The following MED16 variants were observed in gnomAD, a reference collection of about 807,000 sequenced individuals.
MED16 encodes the protein mediator complex subunit 16, also known as mediator of RNA polymerase II transcription subunit 16.
A neutral mutation model predicts 84.4 loss-of-function variants in MED16; 81 were observed. The observed-to-expected ratio is 0.96, with a 90% confidence interval of 0.80 to 1.15. The LOEUF is 1.15. MED16 is among the 50% of genes most tolerant of loss of function. MED16 has a pLI of 0.00. For synonymous variants in MED16, 897 were observed against 552.2 expected (o/e 1.62, Z -8.76); for missense variants, 1,585 against 1,245.9 (o/e 1.27, Z -4.10).
chr19:885,100 C>G, intron 5 of MED16, 92 bp from the exon 6 acceptor site: 1 of 945,694 alleles, frequency 1.1e-6, no homozygotes, highest in Non-Finnish European at 1.6e-6. Context: ...TGGGGCCACG[C>G]ACTGCTGGGC....
chr19:882,335 C>T (rs2036437540), intron 6 of MED16, among the ~76,000 whole-genome samples: 1 of 152,090 alleles, frequency 6.6e-6, no homozygotes, highest in South Asian at 2.1e-4. Context: ...CAGCAAGACC[C>T]CATTCTCTAC....
At chr19:893,022 C>T (rs1362608095) in intron 1 of MED16, 64 bp downstream of exon 1, 1 of 152,780 alleles carries the variant, frequency 6.5e-6, no homozygotes, top group Non-Finnish European at 1.5e-5. Flanking sequence ...CGCGTTCCCT[C>T]GGGTCCGTGG....
At chr19:882,776 C>A (rs2036446658) in intron 6 of MED16, among the ~76,000 whole-genome samples, 1 of 152,252 alleles carries the variant, frequency 6.6e-6, no homozygotes, top group Non-Finnish European at 1.5e-5. Flanking sequence ...TGTTACTCGG[C>A]TGAAGCTGAC....
At chr19:872,866 G>T in intron 11 of MED16, 3 of 756,882 alleles carry the variant, frequency 4.0e-6, no homozygotes, top group Non-Finnish European at 4.9e-6. Flanking sequence ...GGGAGGCGGG[G>T]CTTTGAGAAT....
Position 890,261 on chromosome 19 carries a change from T to A in MED16, c.170-17A>T, listed in dbSNP as rs758193267. 4.7e-5 allele frequency: 70 copies of A among 1,501,520 alleles called. No homozygotes were observed. The highest frequency in any genetic ancestry group is 5.6e-5 in the Non-Finnish European group (62 of 1,115,602). 93.0% of individuals were successfully genotyped at this position (1,501,520 alleles called of 1,614,324 possible). Reference sequence around the variant, plus strand: ...GGGTCAGGTCTGTGGGGACGGGGCATGGTCAGCACGGCCTGGCACCACAGC... The same window carrying A: ...GGGTCAGGTCTGTGGGGACGGGGCAAGGTCAGCACGGCCTGGCACCACAGC... On this transcript the variant is annotated splice_polypyrimidine_tract_variant and intron_variant, in intron 2 of 15. Transcript: ENST00000325464.
intron 8 of MED16, among the ~76,000 whole-genome samples, chr19:878,376 A>G (rs1599329900): frequency 1.5e-5 from 1 of 64,596 alleles, no homozygotes; most frequent in Non-Finnish European, 2.8e-5. Flanking sequence ...CCCCAGCCCC[A>G]GCCCCACGTG....
At chr19:872,512 C>G (rs2036103818) in intron 11 of MED16, among the ~76,000 whole-genome samples, 1 of 152,002 alleles carries the variant, frequency 6.6e-6, no homozygotes, top group Non-Finnish European at 1.5e-5. Context: ...CCCCTGGCAG[C>G]CTAAAGCCCC....
Position 871,163 on chromosome 19 carries a change from T to G in MED16, c.2189A>C (p.Asp730Ala). 6.5e-7 allele frequency: 1 copy of G among 1,548,960 alleles called. No homozygotes were observed. The highest frequency in any genetic ancestry group is 2.4e-5 in the East Asian group (1 of 41,034). The change falls in exon 13 of 16, where the codon GAC (aspartate) becomes GCC (alanine). Residue 730 changes from aspartate (D) to alanine (A), a missense_variant. Asp to Ala is a moderately radical substitution (Grantham distance 126, BLOSUM62 -2). Transcript: ENST00000325464. ...CAGGCCGTCGCTGGCTGGCAGCCAG[T>G]CCAGGCTGGGGATAAGCAGCTGGCT... ...LPSQLLIPSL[D>A]WLPASDGLVS...
intron 2 of MED16, 35 bp downstream of exon 2, chr19:890,928 G>T (rs781210774): frequency 6.2e-7 from 1 of 1,602,678 alleles, no homozygotes; most frequent in Non-Finnish European, 8.5e-7. Flanking sequence ...GACACCATGC[G>T]GCCGGGAGGG....
At chr19:892,854 G>T (rs944050264) in intron 1 of MED16, 5 of 148,140 alleles carry the variant, frequency 3.4e-5, no homozygotes, top group African/African-American at 1.3e-4. Context: ...GCCTCCCCCA[G>T]GTTTCCGCCG....
Position 885,788 on chromosome 19 carries a change from G to C in MED16, c.861C>G (p.Ala287=). 2 of 1,610,416 alleles carry C rather than the reference G, an allele frequency of 1.2e-6. No individual in the cohort carries two copies. The highest frequency in any genetic ancestry group is 8.5e-7 in the Non-Finnish European group (1 of 1,179,750). ...FPAITHLKFL[A]RDMSEQVLLC... is the part of the protein sequence containing the mutation. ...CGTTCACCTGCTCCGACATGTCCCG[G>C]GCCAGGAACTTGAGGTGGGTGATGG... The change falls in exon 5 of 16, where the codon GCC becomes GCG. Residue 287 remains alanine, a synonymous_variant. Transcript: ENST00000325464.
chr19:873,831 C>A (rs975870620), intron 10 of MED16, among the ~76,000 whole-genome samples: 1 of 152,108 alleles, frequency 6.6e-6, no homozygotes, highest in Admixed American at 6.5e-5. Context: ...CAGGCCTTGG[C>A]GTGGGCAGGT....
At chr19:872,177 A>C in intron 11 of MED16, 59 bp from the exon 12 acceptor site, 1 of 1,491,832 alleles carries the variant, frequency 6.7e-7, no homozygotes, top group African/African-American at 1.4e-5. Flanking sequence ...CGATGGGATG[A>C]AGTGTCTTGG....
rs529977030 is a variant in MED16, at chr19:891,021, G to A, written c.111C>T (p.Cys37=). 3.5e-5 allele frequency: 57 copies of A among 1,614,096 alleles called. No individual in the cohort carries two copies. The East Asian group carries it at 7.6e-4, about 21-fold the overall frequency. ...CGATGAGATTTCGGCAGGACCAGGC[G>A]CAGGCCAGGGGCACCGATGGGCAGT... ...STHCPSVPLA[C]AWSCRNLIAF... The change falls in exon 2 of 16, where the codon TGC becomes TGT. Residue 37 remains cysteine (C), a synonymous_variant. Coordinates refer to ENST00000325464, the MANE Select transcript of MED16 (RefSeq NM_005481.3).
intron 9 of MED16, among the ~76,000 whole-genome samples, chr19:875,812 CTG>C (rs1429181509): frequency 2.0e-5 from 3 of 152,170 alleles, no homozygotes; most frequent in Non-Finnish European, 4.4e-5. Flanking sequence ...CCCCCGATGT[CTG>C]TGGTGCCTAC....
chr19:883,346 G>A (rs888403134), intron 6 of MED16, among the ~76,000 whole-genome samples: 9 of 143,592 alleles, frequency 6.3e-5, no homozygotes, highest in South Asian at 2.4e-4. Flanking sequence ...GGCGGGGACC[G>A]AAGCCTGGCA....
At chr19:874,374 AGTGCT>A (rs1324561191) in intron 10 of MED16, among the ~76,000 whole-genome samples, 1 of 152,176 alleles carries the variant, frequency 6.6e-6, no homozygotes, top group Non-Finnish European at 1.5e-5. Flanking sequence ...GGCCTCCCAA[AGTGCT>A]GGGATTACAC....
intron 12 of MED16, 147 bp downstream of exon 12, chr19:871,778 GA>G (rs1568319272): frequency 9.4e-6 from 4 of 424,202 alleles, no homozygotes; most frequent in African/African-American, 7.2e-5. Context: ...GGGGAGAGGG[GA>G]GAGGGGAGAG....
In MED16 at chr19:873,340, A is replaced by AGTAGGGG. The variant is rs1172893371; in HGVS notation, c.1905+108_1905+109insCCCCTAC. On this transcript the variant is annotated intron_variant, in intron 11 of 15. Coordinates refer to ENST00000325464, the MANE Select transcript of MED16 (RefSeq NM_005481.3). ...GACTCCAAGTAGGGGCGGGACTCCA[A>AGTAGGGG]CTAGGGGCGGGGCTGAGGTGGTTTT... 3.8e-5 allele frequency: 14 copies of AGTAGGGG among 368,138 alleles called. No individual in the cohort carries two copies. In the African/African-American group the frequency reaches 1.0e-3, roughly 26 times the overall value. The allele number at this position is 368,138 out of a possible 1,614,324, so 22.8% of individuals were successfully genotyped here. A position where few individuals can be genotyped will look rare whatever the true frequency, so the allele number is the denominator to read the frequency against.
Sources: gnomAD v4.1 joint callset for allele counts (sites outside exome capture counted in the v4.1 genomes callset) on GRCh38, gnomAD v4.1.1 for gene constraint, MANE v1.5 for transcripts, NCBI Gene and HGNC (gene_info 2026-07-23, HGNC 2026-07-21) for gene names.